The following MOK variants were observed in gnomAD, a reference collection of about 807,000 sequenced individuals.
The protein encoded by MOK is MOK protein kinase.
A neutral mutation model predicts 54.2 loss-of-function variants in MOK; 59 were observed. That is an observed-to-expected ratio of 1.09 (90% CI 0.88 to 1.35). The LOEUF is 1.35. Among genes scored for constraint, MOK ranks in the 40% most tolerant of loss-of-function variants. MOK has a pLI of 0.00. For synonymous variants in MOK, 210 were observed against 202.7 expected (o/e 1.04, Z -0.31); for missense variants, 517 against 526.2 (o/e 0.98, Z 0.17).
chr14:102,281,216 C>T (rs1329786118), intron 2 of MOK, among the ~76,000 whole-genome samples: 1 of 151,646 alleles, frequency 6.6e-6, no homozygotes, highest in African/African-American at 2.4e-5. Context: ...CCCAGATACT[C>T]GGGAGGCTGA....
intron 1 of MOK, among the ~76,000 whole-genome samples, chr14:102,295,841 G>T (rs2071359899): frequency 6.6e-6 from 1 of 152,198 alleles, no homozygotes. Flanking sequence ...ATTATTCAAA[G>T]ATCTATGTTC....
chr14:102,244,792 G>A (rs764085903), intron 7 of MOK, among the ~76,000 whole-genome samples: 17 of 152,212 alleles, frequency 1.1e-4, no homozygotes, highest in South Asian at 2.1e-4. Context: ...GTCCAATAAC[G>A]GACTGGCCTT....
chr14:102,286,287 A>G, intron 1 of MOK, among the ~76,000 whole-genome samples: 1 of 116,170 alleles, frequency 8.6e-6, no homozygotes, highest in Non-Finnish European at 1.7e-5. Flanking sequence ...CGACAGAGCG[A>G]GACTCCGTCT....
intron 1 of MOK, among the ~76,000 whole-genome samples, chr14:102,298,914 C>T (rs961395919): frequency 2.6e-5 from 4 of 152,156 alleles, no homozygotes; most frequent in East Asian, 1.9e-4. Context: ...GCCTTCAGAG[C>T]GATAACACTC....
intron 1 of MOK, among the ~76,000 whole-genome samples, chr14:102,303,016 C>T (rs1174361573): frequency 6.6e-6 from 1 of 151,732 alleles, no homozygotes; most frequent in East Asian, 1.9e-4. Flanking sequence ...TACAAGTTAG[C>T]TGGGCGTGGT....
At chr14:102,233,614 A>T (rs1597259617) in intron 8 of MOK, 74 bp downstream of exon 8, 2 of 1,339,234 alleles carry the variant, frequency 1.5e-6, no homozygotes, top group East Asian at 4.6e-5. Context: ...AGGGAGGCAC[A>T]GGGAGGGGCT....
At chr14:102,234,024 C>T (rs2064990449) in intron 7 of MOK, 1 of 449,054 alleles carries the variant, frequency 2.2e-6, no homozygotes, top group Non-Finnish European at 4.0e-6. Context: ...CGAAGAACTC[C>T]CTCAAACTCC....
downstream of MOK, among the ~76,000 whole-genome samples, chr14:102,219,599 C>G (rs1392425802): frequency 6.6e-6 from 1 of 152,246 alleles, no homozygotes; most frequent in Non-Finnish European, 1.5e-5. Context: ...CACCGTTTTC[C>G]CCTTTGCTCT....
chr14:102,290,143 G>GAAAAA (rs376178602), intron 1 of MOK, among the ~76,000 whole-genome samples: 1 of 142,362 alleles, frequency 7.0e-6, no homozygotes. Flanking sequence ...TACACTTAGA[G>GAAAAA]AAAAAAAAAA....
At chr14:102,243,281 G>A (rs571804101) in intron 7 of MOK, among the ~76,000 whole-genome samples, 44 of 152,028 alleles carry the variant, frequency 2.9e-4, no homozygotes, top group Admixed American at 9.8e-4. Flanking sequence ...TCCTCTTTCC[G>A]TTCCTTAAAA....
At chr14:102,255,268 A>G (rs2066856533) in intron 4 of MOK, among the ~76,000 whole-genome samples, 1 of 152,200 alleles carries the variant, frequency 6.6e-6, no homozygotes, top group Non-Finnish European at 1.5e-5. Flanking sequence ...CAGTGAGCTG[A>G]GATCGTGCCA....
At chr14:102,260,419 TTAA>T in intron 4 of MOK, among the ~76,000 whole-genome samples, 1 of 152,256 alleles carries the variant, frequency 6.6e-6, no homozygotes, top group Admixed American at 6.5e-5. Context: ...CTATAAAGTA[TTAA>T]GAACAGTGCC....
downstream of MOK, chr14:102,225,387 CTTCCTGGTCATCTCCTTA>C (rs943673954): frequency 2.0e-5 from 3 of 152,882 alleles, no homozygotes; most frequent in African/African-American, 7.3e-5. Context: ...ATCCAGCCAT[CTTCCTGGTCATCTCCTTA>C]TTCTGTCTCC....
downstream of MOK, among the ~76,000 whole-genome samples, chr14:102,220,168 G>A (rs1486738528): frequency 6.6e-6 from 1 of 152,200 alleles, no homozygotes; most frequent in Non-Finnish European, 1.5e-5. This position sits in a 1 kb window ranked among gnomAD's most constrained non-coding sequence, Gnocchi z 4.2. Context: ...CTGCGTCTCA[G>A]CAGCCGCCCT....
intron 2 of MOK, among the ~76,000 whole-genome samples, chr14:102,281,960 G>T (rs975318075): frequency 1.8e-4 from 28 of 152,206 alleles, no homozygotes; most frequent in African/African-American, 5.5e-4. Flanking sequence ...GGGCAGTGAA[G>T]AACAAGGATT....
At chr14:102,301,577 T>C (rs2072206007) in intron 1 of MOK, among the ~76,000 whole-genome samples, 1 of 152,216 alleles carries the variant, frequency 6.6e-6, no homozygotes, top group Non-Finnish European at 1.5e-5. Flanking sequence ...TCACCATTAC[T>C]CACTTTTCCT....
At chr14:102,217,952 C>T in the MOK span, among the ~76,000 whole-genome samples, 1 of 152,358 alleles carries the variant, frequency 6.6e-6, no homozygotes, top group Non-Finnish European at 1.5e-5. Context: ...GCATTGGAGC[C>T]TCAGGGGCTA....
At chr14:102,293,721 A>G (rs1280190271) in intron 1 of MOK, among the ~76,000 whole-genome samples, 5 of 149,384 alleles carry the variant, frequency 3.3e-5, no homozygotes, top group African/African-American at 7.4e-5. Flanking sequence ...AAAAAAAAAA[A>G]AAAAAGAAAA....
At chr14:102,268,573 T>G (rs2068092173) in intron 2 of MOK, among the ~76,000 whole-genome samples, 1 of 152,054 alleles carries the variant, frequency 6.6e-6, no homozygotes, top group South Asian at 2.1e-4. Flanking sequence ...ATAAGTGGAA[T>G]CTACAAATGG....
Sources: allele counts gnomAD v4.1 joint callset (sites outside exome capture counted in the v4.1 genomes callset), GRCh38; gene constraint gnomAD v4.1.1; non-coding constraint Gnocchi (gnomAD v3.1); transcripts MANE v1.5; gene names NCBI Gene and HGNC (gene_info 2026-07-23, HGNC 2026-07-21).